The following MYO9A variants were observed in gnomAD, a reference collection of about 807,000 sequenced individuals.
MYO9A encodes myosin IXA.
In MYO9A, 103 loss-of-function variants were observed where a neutral mutation model predicts 293.3. The observed-to-expected ratio is 0.35, with a 90% CI of 0.30 to 0.41. The LOEUF (loss-of-function observed/expected upper bound fraction) is 0.41. Among genes scored for constraint, MYO9A ranks in the 10% least tolerant of loss-of-function variants. The pLI, the probability that MYO9A is intolerant of heterozygous loss-of-function variation, is 1.00. For missense variants in MYO9A, 2,685 were observed against 3,033.0 expected, an observed-to-expected ratio of 0.89 and a Z score of 2.69; for synonymous variants, 1,001 against 1,035.7, an observed-to-expected ratio of 0.97 and a Z score of 0.64.
At chr15:71,998,517 A>G (rs1049689222) in intron 9 of MYO9A, among the ~76,000 whole-genome samples, 16 of 151,986 alleles carry the variant, frequency 1.1e-4, no homozygotes, top group African/African-American at 3.6e-4. Flanking sequence ...ATTTTATATA[A>G]AAGAAATATA....
intron 1 of MYO9A, among the ~76,000 whole-genome samples, chr15:72,073,591 T>A (rs2079258225): frequency 6.6e-6 from 1 of 152,192 alleles, no homozygotes. Context: ...GATTAGCTGT[T>A]TAACAATGGT....
intron 1 of MYO9A, among the ~76,000 whole-genome samples, chr15:72,080,719 G>C (rs1351918037): frequency 6.6e-6 from 1 of 151,990 alleles, no homozygotes; most frequent in Middle Eastern, 3.2e-3. Context: ...CAGGTATTAA[G>C]CCTAGTACCC....
At position 71,978,220 on chromosome 15, in the gene MYO9A, T is replaced by A. The variant is rs772974757; in HGVS notation, c.1795A>T (p.Ile599Phe). The A allele has an allele frequency of 6.2e-7, 1 of 1,613,228 alleles. No individual in the cohort carries two copies. Among genetic ancestry groups the A allele is most frequent in the East Asian group, 2.2e-5 (1 of 44,756 alleles). The change falls in exon 12 of 42, where the codon ATT becomes TTT. Residue 599 changes from isoleucine (I) to phenylalanine (F), a missense_variant. Around this residue, in one of 10 missense-constraint regions of MYO9A, gnomAD observed 201 missense variants for 245.2 expected, o/e 0.82. Coordinates refer to ENST00000356056, the MANE Select transcript of MYO9A (RefSeq NM_006901.4). ...YIDNTCCINL[I>F]SKKPTGLLHL... ...AGCAGTCCTGTTGGTTTTTTGCTAA[T>A]AAGATTTATGCAGCAGGTATTATCA...
At chr15:71,972,538 G>A (rs775140732) in intron 12 of MYO9A, among the ~76,000 whole-genome samples, 5 of 152,182 alleles carry the variant, frequency 3.3e-5, no homozygotes, top group Non-Finnish European at 7.3e-5. Context: ...CTTCCAGGTA[G>A]ATAGTATCAA....
intron 15 of MYO9A, among the ~76,000 whole-genome samples, chr15:71,948,143 A>G (rs1019005443): frequency 6.6e-6 from 1 of 152,254 alleles, no homozygotes; most frequent in African/African-American, 2.4e-5. Flanking sequence ...CACTAAGTAC[A>G]GGACATGCCT....
chr15:72,041,139 G>A, intron 2 of MYO9A: 3 of 709,354 alleles, frequency 4.2e-6, no homozygotes, highest in South Asian at 2.7e-5. Flanking sequence ...CACCTATTTG[G>A]GAGGCTGAGG....
At chr15:72,026,911 T>C (rs2077691471) in intron 4 of MYO9A, among the ~76,000 whole-genome samples, 1 of 152,184 alleles carries the variant, frequency 6.6e-6, no homozygotes, top group Non-Finnish European at 1.5e-5. Context: ...ACAAAAAGTC[T>C]GAACAGATCT....
In MYO9A at chr15:72,094,493, C is replaced by T; in HGVS notation, c.-72+23187G>A. Among the ~76,000 whole-genome samples the T allele has an allele frequency of 2.2e-5, 2 of 90,288 alleles. 1 individual carries two copies. The highest frequency in any genetic ancestry group is 6.7e-5 in the Non-Finnish European group (2 of 29,856). 59.2% of individuals were successfully genotyped at this position (90,288 alleles called of 152,430 possible). ...TTGGTAATTCTTGCAGTATTTCAAG[C>T]TTTTTTAAACTTTTTTATGTATTTA... On this transcript the variant is annotated intron_variant, in intron 1 of 41. Coordinates refer to ENST00000356056, the MANE Select transcript of MYO9A (RefSeq NM_006901.4).
At chr15:71,921,598 A>C (rs1228869670) in intron 18 of MYO9A, among the ~76,000 whole-genome samples, 1 of 152,220 alleles carries the variant, frequency 6.6e-6, no homozygotes, top group East Asian at 1.9e-4. Context: ...AAAATTCCTC[A>C]GGATAGGGAT....
At chr15:71,974,132 A>T (rs1363053849) in intron 12 of MYO9A, among the ~76,000 whole-genome samples, 1 of 152,152 alleles carries the variant, frequency 6.6e-6, no homozygotes, top group East Asian at 1.9e-4. Context: ...AAACCAAAAA[A>T]CAGAAAATAT....
chr15:72,101,211 G>A (rs1438769923), intron 1 of MYO9A, among the ~76,000 whole-genome samples: 1 of 132,884 alleles, frequency 7.5e-6, no homozygotes, highest in African/African-American at 2.8e-5. Flanking sequence ...GAGCCCCTCT[G>A]CCCGGCCAGC....
intron 15 of MYO9A, among the ~76,000 whole-genome samples, chr15:71,944,813 G>C (rs900089322): frequency 6.6e-6 from 1 of 152,000 alleles, no homozygotes; most frequent in African/African-American, 2.4e-5. Flanking sequence ...TGGACAGTCT[G>C]GGTATTCTAC....
At chr15:72,067,137 T>C (rs1272010190) in intron 1 of MYO9A, among the ~76,000 whole-genome samples, 2 of 148,216 alleles carry the variant, frequency 1.3e-5, no homozygotes, top group Non-Finnish European at 3.0e-5. Flanking sequence ...ACTATATTAA[T>C]TACATAAATT....
At chr15:71,950,618 CACTT>C (rs2059027600) in intron 15 of MYO9A, among the ~76,000 whole-genome samples, 1 of 152,148 alleles carries the variant, frequency 6.6e-6, no homozygotes, top group Non-Finnish European at 1.5e-5. Flanking sequence ...TAAAACAAAA[CACTT>C]ACCTTTGTTC....
intron 19 of MYO9A, among the ~76,000 whole-genome samples, 168 bp downstream of exon 19, chr15:71,916,202 T>C (rs1290842356): frequency 1.4e-5 from 2 of 146,956 alleles, no homozygotes; most frequent in East Asian, 3.9e-4. Flanking sequence ...GGCATCTGAC[T>C]TTTTTTTTTT....
rs1402715393 is a variant in MYO9A, at chr15:72,028,389, T to C, written c.936-596A>G. 7.9e-5 allele frequency among the ~76,000 whole-genome samples: 12 copies of C among 151,654 alleles called. No individual in the cohort carries two copies. The East Asian group carries it at 2.3e-3, about 29-fold the overall frequency. ...CAGGCCAGGCGCAGTGGCTCACACC[T>C]GTAATCCCAGCACTTTGGGAGGCCG... is the stretch of plus-strand genomic sequence containing the variant. On this transcript the variant is annotated intron_variant, in intron 3 of 41. Transcript: ENST00000356056.
chr15:71,932,985 AAAC>A (rs1404792445), intron 18 of MYO9A, among the ~76,000 whole-genome samples: 9 of 152,176 alleles, frequency 5.9e-5, no homozygotes, highest in South Asian at 4.1e-4. Flanking sequence ...AAGCAAAATG[AAAC>A]AACAACCCCT....
At chr15:71,926,766 AAATG>A (rs2058324093) in intron 18 of MYO9A, among the ~76,000 whole-genome samples, 1 of 152,212 alleles carries the variant, frequency 6.6e-6, no homozygotes, top group Non-Finnish European at 1.5e-5. Flanking sequence ...TTGTTCTAGC[AAATG>A]AAAAGGCAGT....
At chr15:72,093,129 T>G (rs1300973297) in intron 1 of MYO9A, among the ~76,000 whole-genome samples, 1 of 152,120 alleles carries the variant, frequency 6.6e-6, no homozygotes, top group Non-Finnish European at 1.5e-5. Context: ...TTTCAGATAT[T>G]AGAAAAGATC....
Sources: gnomAD v4.1 joint callset for allele counts (sites outside exome capture counted in the v4.1 genomes callset) on GRCh38, gnomAD v4.1.1 for gene constraint, gnomAD v4.1.1 regional missense constraint, MANE v1.5 for transcripts, NCBI Gene and HGNC (gene_info 2026-07-23, HGNC 2026-07-21) for gene names.